The following SHISA9 variants were observed in gnomAD, a reference collection of about 807,000 sequenced individuals.
The protein encoded by SHISA9 is shisa family member 9.
Under a neutral mutation model 38.0 loss-of-function variants are expected in SHISA9, and 13 were observed. That is an observed-to-expected ratio of 0.34 (90% CI 0.22 to 0.54). The LOEUF (loss-of-function observed/expected upper bound fraction) is 0.54, where lower values mean the gene tolerates loss of function less well. SHISA9 is among the 20% of genes least tolerant of loss of function. SHISA9 has a pLI of 0.91. For missense variants in SHISA9, 538 were observed against 575.8 expected (o/e 0.93, Z 0.67); for synonymous variants, 275 against 242.0 (o/e 1.14, Z -1.27).
the SHISA9 span, among the ~76,000 whole-genome samples, chr16:13,524,246 C>T: frequency 6.6e-6 from 1 of 152,158 alleles, no homozygotes; most frequent in Non-Finnish European, 1.5e-5. Flanking sequence ...CACACATTGC[C>T]CCCGGCTGTC....
intron 2 of SHISA9, among the ~76,000 whole-genome samples, chr16:13,130,100 A>C (rs925756174): frequency 6.6e-6 from 1 of 152,166 alleles, no homozygotes; most frequent in African/African-American, 2.4e-5. Flanking sequence ...ATGAGACCCC[A>C]ATGAAGGTCT....
chr16:13,521,644 G>T, the SHISA9 span, among the ~76,000 whole-genome samples: 2 of 152,324 alleles, frequency 1.3e-5, no homozygotes, highest in East Asian at 1.9e-4. Context: ...AAAGTAGATA[G>T]CTTTTGAATG....
intron 2 of SHISA9, among the ~76,000 whole-genome samples, chr16:13,036,385 T>A (rs745721135): frequency 6.6e-6 from 1 of 152,234 alleles, no homozygotes; most frequent in Non-Finnish European, 1.5e-5. Context: ...TAGTTCATAC[T>A]ACATAATTTC....
rs372286181 is a variant in SHISA9 at position 13,187,328 on chromosome 16, C to CTTTT, written c.692-16045_692-16042dup. 1.4e-3 allele frequency among the ~76,000 whole-genome samples: 130 copies of CTTTT among 90,652 alleles called. 1 individual carries two copies. The highest frequency in any genetic ancestry group is 2.3e-3 in the Non-Finnish European group (102 of 44,944). The allele number at this position is 90,652 out of a possible 152,430, so 59.5% of individuals were successfully genotyped here. A position where few individuals can be genotyped will look rare whatever the true frequency, so the allele number is the denominator to read the frequency against. ...GAGAAGGCTTCTTTTCTTTTCTTTT[C>CTTTT]TTTTTTTTTTTTTTTTTTTTTTTTG... On this transcript the variant is annotated intron_variant, in intron 2 of 4. Coordinates refer to ENST00000558583, the MANE Select transcript of SHISA9 (RefSeq NM_001145204.3).
At chr16:13,416,895 A>C in the SHISA9 span, among the ~76,000 whole-genome samples, 59 of 149,824 alleles carry the variant, frequency 3.9e-4, no homozygotes, top group African/African-American at 1.5e-3. Flanking sequence ...GAAGAGCAAG[A>C]AAGAAAGAAA....
chr16:13,346,090 A>G, the SHISA9 span, among the ~76,000 whole-genome samples: 1 of 152,136 alleles, frequency 6.6e-6, no homozygotes, highest in Non-Finnish European at 1.5e-5. Flanking sequence ...CCATTAAGTA[A>G]TTTCTCATCC....
intron 4 of SHISA9, among the ~76,000 whole-genome samples, chr16:13,215,575 G>A (rs972083650): frequency 6.6e-6 from 1 of 152,094 alleles, no homozygotes; most frequent in Admixed American, 6.5e-5. Flanking sequence ...AGCATTTGGA[G>A]GCAGCCTGCA....
chr16:13,198,660 A>G lies in SHISA9; in HGVS notation c.692-4734A>G, dbSNP rs1034372436. On this transcript the variant is annotated intron_variant, in intron 2 of 4. Coordinates refer to ENST00000558583, the MANE Select transcript of SHISA9 (RefSeq NM_001145204.3). Reference sequence around the variant, plus strand: ...AACTGGGTTGCCAGGTCTGGTCTCTATCTTCCTGTCCAGTGAAAAGAAAAT... The same window carrying G: ...AACTGGGTTGCCAGGTCTGGTCTCTGTCTTCCTGTCCAGTGAAAAGAAAAT... Among the ~76,000 whole-genome samples, 4 of 152,304 alleles carry G rather than the reference A, an allele frequency of 2.6e-5. No individual in the cohort carries two copies. The East Asian group carries it at 5.8e-4, about 22-fold the overall frequency.
At chr16:13,547,469 T>G in the SHISA9 span, among the ~76,000 whole-genome samples, 1 of 152,256 alleles carries the variant, frequency 6.6e-6, no homozygotes, top group South Asian at 2.1e-4. Context: ...AAAAATGGTG[T>G]TGTAATTTAG....
the SHISA9 span, among the ~76,000 whole-genome samples, chr16:13,493,197 A>AGT: frequency 2.0e-5 from 3 of 150,614 alleles, no homozygotes; most frequent in Non-Finnish European, 4.4e-5. Context: ...GAAACAATGA[A>AGT]GTGTTTCAGA....
chr16:13,491,257 G>A, the SHISA9 span, among the ~76,000 whole-genome samples: 2 of 152,066 alleles, frequency 1.3e-5, no homozygotes, highest in Non-Finnish European at 2.9e-5. Flanking sequence ...TGACGATGAC[G>A]ATGATGATGA....
At chr16:13,426,406 A>G in the SHISA9 span, among the ~76,000 whole-genome samples, 1 of 152,184 alleles carries the variant, frequency 6.6e-6, no homozygotes, top group African/African-American at 2.4e-5. Flanking sequence ...CTCCAAAAGG[A>G]GTTCTCCCAA....
chr16:13,234,849 A>G (rs978630660), intron 4 of SHISA9, among the ~76,000 whole-genome samples, 181 bp from the exon 5 acceptor site: 5 of 151,858 alleles, frequency 3.3e-5, no homozygotes, highest in Non-Finnish European at 5.9e-5. Context: ...TGAAAAGGGC[A>G]TGGTGCTGCC....
chr16:13,421,365 A>T, the SHISA9 span, among the ~76,000 whole-genome samples: 6 of 152,236 alleles, frequency 3.9e-5, no homozygotes, highest in African/African-American at 1.4e-4. Context: ...AGGAGTCCTC[A>T]GAATCATGGC....
At chr16:13,059,121 CTTTTTTTTTTTT>C (rs3075088) in intron 2 of SHISA9, among the ~76,000 whole-genome samples, 1 of 74,868 alleles carries the variant, frequency 1.3e-5, no homozygotes, top group South Asian at 6.9e-4. Context: ...AAAACTCTAT[CTTTTTTTTTTTT>C]TTTTTTTTTT....
chr16:12,942,726 C>T (rs1469819563), intron 2 of SHISA9, among the ~76,000 whole-genome samples: 1 of 152,212 alleles, frequency 6.6e-6, no homozygotes, highest in Non-Finnish European at 1.5e-5. Flanking sequence ...AAGCGCACAG[C>T]CACATTTGAA....
At chr16:13,076,179 C>A (rs1382714062) in intron 2 of SHISA9, among the ~76,000 whole-genome samples, 1 of 151,942 alleles carries the variant, frequency 6.6e-6, no homozygotes, top group East Asian at 1.9e-4. Context: ...TACATGCATG[C>A]GCCATCACAC....
the SHISA9 span, among the ~76,000 whole-genome samples, chr16:13,543,823 A>G: frequency 6.6e-6 from 1 of 152,096 alleles, no homozygotes; most frequent in East Asian, 1.9e-4. Context: ...TGGCGTCTAC[A>G]CCCCTGAAAA....
chr16:13,484,084 C>A, the SHISA9 span, among the ~76,000 whole-genome samples: 1 of 152,112 alleles, frequency 6.6e-6, no homozygotes, highest in African/African-American at 2.4e-5. Flanking sequence ...TCAGTGGCAT[C>A]TGATGCTATC....
Sources: allele counts gnomAD v4.1 joint callset (sites outside exome capture counted in the v4.1 genomes callset), GRCh38; gene constraint gnomAD v4.1.1; transcripts MANE v1.5; gene names NCBI Gene and HGNC (gene_info 2026-07-23, HGNC 2026-07-21).